The following GCLC variants were observed in gnomAD, a reference collection of about 807,000 sequenced individuals.
The protein encoded by GCLC is glutamate--cysteine ligase catalytic subunit.
Under a neutral mutation model 81.5 loss-of-function variants are expected in GCLC, and 30 were observed. The observed-to-expected ratio is 0.37, with a 90% CI of 0.28 to 0.50. GCLC has a LOEUF of 0.50. Ranked by LOEUF, GCLC falls within the 20% of genes least tolerant of loss-of-function variation. The probability of loss-of-function intolerance (pLI) is 0.96; values close to 1 mark genes in which losing one functional copy is unlikely to be tolerated. For synonymous variants in GCLC, 262 were observed against 273.3 expected (o/e 0.96, Z 0.41); for missense variants, 556 against 777.4 (o/e 0.72, Z 3.39).
chr6:53,523,978 C>T (rs1763040934), intron 1 of GCLC: 1 of 152,162 alleles, frequency 6.6e-6, no homozygotes, highest in Non-Finnish European at 1.5e-5. Context: ...AACTAGGCTG[C>T]AGAATCTGGA....
At chr6:53,514,070 T>C (rs1764810340) in intron 6 of GCLC, 134 bp downstream of exon 6, 1 of 806,766 alleles carries the variant, frequency 1.2e-6, no homozygotes. Flanking sequence ...TTCATGTTTT[T>C]CAGAAAGGCA....
At chr6:53,501,559 G>A (rs1217443226) in intron 12 of GCLC, among the ~76,000 whole-genome samples, 1 of 152,070 alleles carries the variant, frequency 6.6e-6, no homozygotes, top group African/African-American at 2.4e-5. Context: ...ATATACAACA[G>A]TGACCAGTTA....
intron 12 of GCLC, among the ~76,000 whole-genome samples, chr6:53,502,900 T>G (rs903415403): frequency 6.6e-6 from 1 of 152,218 alleles, no homozygotes; most frequent in African/African-American, 2.4e-5. Context: ...CCAGCAAGTT[T>G]AAAAGTAATA....
At chr6:53,499,097 TG>T in intron 15 of GCLC, 130 bp from the exon 16 acceptor site, 1 of 687,994 alleles carries the variant, frequency 1.5e-6, no homozygotes. Context: ...TGTAGCTGCA[TG>T]GCAGGGGGTG....
intron 1 of GCLC, among the ~76,000 whole-genome samples, chr6:53,528,240 G>C (rs1186925726): frequency 6.6e-6 from 1 of 152,156 alleles, no homozygotes; most frequent in Non-Finnish European, 1.5e-5. Context: ...TTCTAATACA[G>C]ATGTAATAAA....
At position 53,522,360 on chromosome 6, in the gene GCLC, T is replaced by C; in HGVS notation, c.263+55A>G. The C allele has an allele frequency of 8.9e-6, 9 of 1,010,558 alleles. No homozygotes were observed. The South Asian group carries it at 1.0e-4, about 11-fold the overall frequency. The allele number at this position is 1,010,558 out of a possible 1,614,324, so 62.6% of individuals were successfully genotyped here. On this transcript the variant is annotated intron_variant, in intron 2 of 15. Transcript: ENST00000650454. Reference sequence around the variant, plus strand: ...CTCCAATAATTGAGAAAAAACTCTATATTCTAGAAGTTTTAGCAGTTTCAG... The same window carrying C: ...CTCCAATAATTGAGAAAAAACTCTACATTCTAGAAGTTTTAGCAGTTTCAG...
In GCLC at chr6:53,505,787, G is replaced by A. The variant is rs1240300561; in HGVS notation, c.1290+16C>T. On this transcript the variant is annotated intron_variant, in intron 11 of 15. Transcript: ENST00000650454. ...GAGTACTTTTGAGTCAGTTCTTGCT[G>A]ATGCATGTGTCTTACCTCCATGGGT... 7.0e-7 allele frequency: 1 copy of A among 1,433,652 alleles called. No homozygotes were observed. The allele number at this position is 1,433,652 out of a possible 1,614,324, so 88.8% of individuals were successfully genotyped here.
intron 3 of GCLC, among the ~76,000 whole-genome samples, chr6:53,517,070 TA>T (rs1321788605): frequency 6.9e-4 from 90 of 130,836 alleles, no homozygotes; most frequent in Non-Finnish European, 1.1e-3. Flanking sequence ...TCATATCTTT[TA>T]AAAAAAAATT....
At chr6:53,541,518 A>G (rs1763354703) in intron 1 of GCLC, among the ~76,000 whole-genome samples, 1 of 152,152 alleles carries the variant, frequency 6.6e-6, no homozygotes, top group African/African-American at 2.4e-5. Context: ...AATAATAAAA[A>G]ATGAGCAGCG....
intron 2 of GCLC, 53 bp from the exon 3 acceptor site, chr6:53,521,013 C>A: frequency 6.9e-7 from 1 of 1,446,878 alleles, no homozygotes; most frequent in South Asian, 1.1e-5. Context: ...ATAGTCTGCT[C>A]AATTTTTAAG....
At chr6:53,520,169 A>C (rs906766679) in intron 3 of GCLC, among the ~76,000 whole-genome samples, 2 of 152,246 alleles carry the variant, frequency 1.3e-5, no homozygotes, top group African/African-American at 4.8e-5. Flanking sequence ...CGAAGAACAT[A>C]ATTTCACTAT....
In GCLC at chr6:53,508,579, G is replaced by A; in HGVS notation, c.945+16C>T. On this transcript the variant is annotated intron_variant, in intron 8 of 15. Transcript: ENST00000650454. ...TGCTTGACTTAAAAGGGCTATTAAG[G>A]AAAAACAATTCCCACCTCCAGTCCT... 3 of 1,477,230 alleles carry A rather than the reference G, an allele frequency of 2.0e-6. No homozygotes were observed. The highest frequency in any genetic ancestry group is 2.8e-6 in the Non-Finnish European group (3 of 1,055,118). 91.5% of individuals were successfully genotyped at this position (1,477,230 alleles called of 1,614,324 possible).
chr6:53,507,214 T>C (rs1561939802), intron 9 of GCLC, 189 bp from the exon 10 acceptor site: 6 of 668,020 alleles, frequency 9.0e-6, no homozygotes, highest in Admixed American at 6.8e-5. Flanking sequence ...AGTGTCAGCG[T>C]TTTATTCACT....
At chr6:53,542,166 A>G (rs944181914) in intron 1 of GCLC, among the ~76,000 whole-genome samples, 4 of 152,178 alleles carry the variant, frequency 2.6e-5, no homozygotes, top group Admixed American at 6.5e-5. Flanking sequence ...TAGAGTCTTA[A>G]TACAATACCA....
chr6:53,534,399 T>C (rs935456013), intron 1 of GCLC, among the ~76,000 whole-genome samples: 7 of 148,022 alleles, frequency 4.7e-5, no homozygotes, highest in South Asian at 2.1e-4. Context: ...GCTAAAAGGA[T>C]AGAAAAAGTG....
intron 1 of GCLC, among the ~76,000 whole-genome samples, chr6:53,540,230 A>C (rs1763328834): frequency 6.6e-6 from 1 of 152,116 alleles, no homozygotes; most frequent in Non-Finnish European, 1.5e-5. Context: ...GAAGTTATTC[A>C]CAATAGCCAA....
intron 1 of GCLC, among the ~76,000 whole-genome samples, chr6:53,541,592 C>T (rs1027498497): frequency 2.0e-5 from 3 of 150,996 alleles, no homozygotes; most frequent in Admixed American, 2.0e-4. Flanking sequence ...CTCCAAAAGA[C>T]ATTAATATGT....
intron 1 of GCLC, among the ~76,000 whole-genome samples, chr6:53,538,204 A>G (rs1343262966): frequency 1.5e-5 from 2 of 134,088 alleles, no homozygotes; most frequent in Non-Finnish European, 3.0e-5. Flanking sequence ...GCCAAAGTGC[A>G]GTAGTGGCAT....
chr6:53,524,977 G>C (rs1763056171), intron 1 of GCLC, among the ~76,000 whole-genome samples: 1 of 152,162 alleles, frequency 6.6e-6, no homozygotes, highest in South Asian at 2.1e-4. Flanking sequence ...CATTTAAAAT[G>C]TTAACAAACC....
Sources: allele counts gnomAD v4.1 joint callset (sites outside exome capture counted in the v4.1 genomes callset), GRCh38; gene constraint gnomAD v4.1.1; transcripts MANE v1.5; gene names NCBI Gene and HGNC (gene_info 2026-07-23, HGNC 2026-07-21).